The following AHRR variants were observed in gnomAD, a reference collection of about 807,000 sequenced individuals.
The protein encoded by AHRR is aryl hydrocarbon receptor repressor.
Under a neutral mutation model 44.0 loss-of-function variants are expected in AHRR, and 28 were observed. That is an observed-to-expected ratio of 0.64 (90% CI 0.47 to 0.87). The LOEUF (loss-of-function observed/expected upper bound fraction) is 0.87, where lower values mean the gene tolerates loss of function less well. Ranked by LOEUF, AHRR falls within the 40% of genes least tolerant of loss-of-function variation. The pLI, the probability that AHRR is intolerant of heterozygous loss-of-function variation, is 0.00. For synonymous variants in AHRR, 434 were observed against 407.0 expected (o/e 1.07, Z -0.80); for missense variants, 990 against 953.9 (o/e 1.04, Z -0.50).
rs557097561 is a variant in AHRR, at chr5:323,857, A to T, written c.-11+2038A>T. ...GGAGACTCAACGGAGCTCCTTGCGG[A>T]GGAGAGTCGGCTCACAGACAGGCAG... On this transcript the variant is annotated intron_variant, in intron 1 of 10. Transcript: ENST00000684583. Among the ~76,000 whole-genome samples, 5 of 152,178 alleles carry T rather than the reference A, an allele frequency of 3.3e-5. No individual in the cohort carries two copies. The South Asian group carries it at 8.3e-4, about 25-fold the overall frequency.
At chr5:327,397 G>A (rs1579581161) in intron 1 of AHRR, among the ~76,000 whole-genome samples, 1 of 152,100 alleles carries the variant, frequency 6.6e-6, no homozygotes, top group Non-Finnish European at 1.5e-5. Flanking sequence ...CACCCTTCCA[G>A]GTCTCTGTCA....
rs550682376 is a variant in AHRR, at chr5:406,074, A to G, written c.352-7270A>G. 6.6e-6 allele frequency among the ~76,000 whole-genome samples: 1 copy of G among 152,368 alleles called. No individual in the cohort carries two copies. Among genetic ancestry groups the G allele is most frequent in the Non-Finnish European group, 1.5e-5 (1 of 68,034 alleles). On this transcript the variant is annotated intron_variant, in intron 4 of 10. Coordinates refer to ENST00000684583, the MANE Select transcript of AHRR (RefSeq NM_001377236.1). The surrounding 1 kb of genome is among the most constrained non-coding windows in gnomAD (Gnocchi z 4.7). ...ACCCGAAAAAGGTAGAAATTCTGCA[A>G]CAAAATTAACTGGGGAAAAAAAAAC... is the stretch of plus-strand genomic sequence containing the variant.
At chr5:417,621 G>A (rs932723516) in intron 5 of AHRR, among the ~76,000 whole-genome samples, 3 of 152,228 alleles carry the variant, frequency 2.0e-5, no homozygotes, top group Non-Finnish European at 2.9e-5. Context: ...GTTTGGCTTT[G>A]GGGACTGGGG....
At chr5:428,935 C>G (rs1043395342) in intron 8 of AHRR, among the ~76,000 whole-genome samples, 1 of 152,192 alleles carries the variant, frequency 6.6e-6, no homozygotes, top group Non-Finnish European at 1.5e-5. Flanking sequence ...GGCGGTCACG[C>G]GAGCAGTGGG....
At chr5:347,357 AT>A (rs1275949405) in intron 2 of AHRR, among the ~76,000 whole-genome samples, 1 of 152,226 alleles carries the variant, frequency 6.6e-6, no homozygotes, top group Non-Finnish European at 1.5e-5. Flanking sequence ...AAAAAATTAA[AT>A]TTGTATGAGT....
At chr5:332,985 A>G (rs1464977596) in intron 1 of AHRR, among the ~76,000 whole-genome samples, 1 of 136,784 alleles carries the variant, frequency 7.3e-6, no homozygotes, top group Admixed American at 7.3e-5. Flanking sequence ...ATCTGATATG[A>G]GTATAGCTAC....
intron 2 of AHRR, among the ~76,000 whole-genome samples, chr5:345,181 G>GGT (rs1560885072): frequency 1.4e-4 from 1 of 7,368 alleles, no homozygotes; most frequent in Non-Finnish European, 2.7e-4. Context: ...TGTGTGTGGG[G>GGT]ATGTGTGTGT....
chr5:433,860 G>C lies in AHRR; in HGVS notation c.1120G>C (p.Glu374Gln). 1.3e-6 allele frequency: 2 copies of C among 1,494,498 alleles called. No individual in the cohort carries two copies. Among genetic ancestry groups the C allele is most frequent in the Non-Finnish European group, 1.8e-6 (2 of 1,124,756 alleles). The allele number at this position is 1,494,498 out of a possible 1,614,324, so 92.6% of individuals were successfully genotyped here. A position where few individuals can be genotyped will look rare whatever the true frequency, so the allele number is the denominator to read the frequency against. Residue 374 changes from glutamate (E) to glutamine (Q), a missense_variant, in exon 11 of 11, where the codon GAG becomes CAG. Glu to Gln is a conservative substitution (Grantham distance 29, BLOSUM62 2). Coordinates refer to ENST00000684583, the MANE Select transcript of AHRR (RefSeq NM_001377236.1). The stretch of plus-strand genomic sequence containing the variant: ...CCCGTCTTTTCTCTGCAGGGACAGG[G>C]AGGAGGAGCAGCACAGGATGCTGAG... ...LDPKGGSGDREEEQHRMLSRA... is the reference protein window; with the variant it reads ...LDPKGGSGDRQEEQHRMLSRA...
intron 5 of AHRR, among the ~76,000 whole-genome samples, chr5:421,890 C>T (rs1485723148): frequency 1.3e-5 from 2 of 152,188 alleles, no homozygotes; most frequent in Non-Finnish European, 2.9e-5. Context: ...GCTCCTCCTC[C>T]AGTTAGGAAG....
At chr5:322,117 G>A (rs1418751773) in intron 1 of AHRR, among the ~76,000 whole-genome samples, 2 of 151,940 alleles carry the variant, frequency 1.3e-5, no homozygotes, top group African/African-American at 2.4e-5. Flanking sequence ...TTCCGTGCGG[G>A]CCGCGCTCCC....
chr5:421,296 G>C (rs1234689477), intron 5 of AHRR: 7 of 697,194 alleles, frequency 1.0e-5, no homozygotes, highest in Non-Finnish European at 1.8e-5. Flanking sequence ...AGGCTGTTGC[G>C]CTGCAGGTGC....
intron 1 of AHRR, among the ~76,000 whole-genome samples, chr5:328,181 T>A (rs1741779981): frequency 1.3e-5 from 2 of 151,372 alleles, no homozygotes; most frequent in Admixed American, 6.6e-5. Flanking sequence ...CTGTTTTCCA[T>A]AGAGGCTGTA....
At position 419,617 on chromosome 5, in the gene AHRR, G is replaced by T. The variant is rs564729593; in HGVS notation, c.442-3112G>T. 6.6e-6 allele frequency among the ~76,000 whole-genome samples: 1 copy of T among 152,250 alleles called. No homozygotes were observed. Among genetic ancestry groups the T allele is most frequent in the South Asian group, 2.1e-4 (1 of 4,822 alleles). ...TAAAACGTGTCAAGAGCTCGCACAGGAGTGTTTGGAGCCATATTTCCCATT... is the reference window on the plus strand; with the variant it reads ...TAAAACGTGTCAAGAGCTCGCACAGTAGTGTTTGGAGCCATATTTCCCATT... On this transcript the variant is annotated intron_variant, in intron 5 of 10. Transcript: ENST00000684583. This position sits in a 1 kb window ranked among gnomAD's most constrained non-coding sequence, Gnocchi z 4.4.
intron 1 of AHRR, among the ~76,000 whole-genome samples, chr5:333,720 CT>C (rs1742021694): frequency 7.3e-6 from 1 of 136,922 alleles, no homozygotes; most frequent in Non-Finnish European, 1.6e-5. Context: ...TTATTTGTTT[CT>C]TTCTTTTCCT....
rs1223493474 is a variant in AHRR at position 405,413 on chromosome 5, G to A, written c.352-7931G>A. Among the ~76,000 whole-genome samples the A allele has an allele frequency of 6.6e-6, 1 of 152,154 alleles. No individual in the cohort carries two copies. Among genetic ancestry groups the A allele is most frequent in the Non-Finnish European group, 1.5e-5 (1 of 68,030 alleles). On this transcript the variant is annotated intron_variant, in intron 4 of 10. Transcript: ENST00000684583. This position sits in a 1 kb window ranked among gnomAD's most constrained non-coding sequence, Gnocchi z 4.5. Reference sequence around the variant, plus strand: ...CTGATGCCAAACCGTATAAAGCATTGGCCTATTTTGTCACCGTGGAGCAGC... The same window carrying A: ...CTGATGCCAAACCGTATAAAGCATTAGCCTATTTTGTCACCGTGGAGCAGC...
At chr5:356,106 T>C (rs1743034342) in intron 3 of AHRR, among the ~76,000 whole-genome samples, 2 of 152,206 alleles carry the variant, frequency 1.3e-5, no homozygotes, top group African/African-American at 4.8e-5. Flanking sequence ...GAGCATTTGC[T>C]TGTGATGTTT....
chr5:324,997 G>A (rs953941395), intron 1 of AHRR, among the ~76,000 whole-genome samples: 2 of 152,210 alleles, frequency 1.3e-5, no homozygotes, highest in Non-Finnish European at 2.9e-5. Flanking sequence ...GAGACACCTG[G>A]GAGAACGTGG....
At chr5:398,119 C>T (rs1322603701) in intron 4 of AHRR, among the ~76,000 whole-genome samples, 134 of 115,250 alleles carry the variant, frequency 1.2e-3, no homozygotes, top group African/African-American at 6.4e-3. Flanking sequence ...TGACCATCCA[C>T]GTAGCTCCTG....
intron 3 of AHRR, among the ~76,000 whole-genome samples, chr5:373,001 G>A (rs1172919149): frequency 1.3e-5 from 2 of 152,234 alleles, no homozygotes; most frequent in Non-Finnish European, 2.9e-5. Context: ...GCACAGGGTC[G>A]CCCGAGGCCT....
Sources: gnomAD v4.1 joint callset for allele counts (sites outside exome capture counted in the v4.1 genomes callset) on GRCh38, gnomAD v4.1.1 for gene constraint, Gnocchi (gnomAD v3.1) non-coding constraint, MANE v1.5 for transcripts, NCBI Gene and HGNC (gene_info 2026-07-23, HGNC 2026-07-21) for gene names.